AKAP11: variants seen among roughly 807,000 people sequenced by gnomAD.
AKAP11 encodes A-kinase anchor protein 11.
In AKAP11, 36 loss-of-function variants were observed where a neutral mutation model predicts 146.1. The observed-to-expected ratio is 0.25, with a 90% confidence interval of 0.19 to 0.33. The LOEUF is 0.33. Ranked by LOEUF, AKAP11 falls within the 10% of genes least tolerant of loss-of-function variation. The pLI is 1.00. For synonymous variants in AKAP11, 780 were observed against 786.5 expected (o/e 0.99, Z 0.14); for missense variants, 2,201 against 2,197.0 (o/e 1.00, Z -0.04).
intron 8 of AKAP11, among the ~76,000 whole-genome samples, chr13:42,306,108 A>G (rs1960240512): frequency 6.6e-6 from 1 of 152,186 alleles, no homozygotes; most frequent in African/African-American, 2.4e-5. Flanking sequence ...GGCCTCTTAC[A>G]GAAAACAATT....
In AKAP11 at chr13:42,308,601, A is replaced by G. The variant is rs1234584320; in HGVS notation, c.5265A>G (p.Leu1755=). Residue 1755 remains leucine, a synonymous_variant, in exon 9 of 13, where the codon CTA becomes CTG. Coordinates refer to ENST00000025301, the MANE Select transcript of AKAP11 (RefSeq NM_016248.4). The stretch of plus-strand genomic sequence containing the variant: ...ATGAAAGCAGCAGTTTTCATCATCT[A>G]AGTGAAAGGTAACTACACTTTTGCA... ...HQDESSSFHH[L]SESNGNSSSW... 4.3e-6 allele frequency: 7 copies of G among 1,611,828 alleles called. No individual in the cohort carries two copies. The highest frequency in any genetic ancestry group is 2.2e-5 in the East Asian group (1 of 44,850).
intron 11 of AKAP11, among the ~76,000 whole-genome samples, chr13:42,314,672 G>A (rs1960734493): frequency 1.3e-5 from 2 of 152,014 alleles, no homozygotes; most frequent in African/African-American, 4.8e-5. Flanking sequence ...ACTTACGTGA[G>A]TCAGTAAGTA....
intron 1 of AKAP11, among the ~76,000 whole-genome samples, chr13:42,285,659 A>G (rs1159551079): frequency 6.6e-6 from 1 of 152,216 alleles, no homozygotes; most frequent in Non-Finnish European, 1.5e-5. Flanking sequence ...ATCTTTAAAA[A>G]GTTGAGACTT....
At chr13:42,318,914 T>C (rs1960955870) in intron 12 of AKAP11, among the ~76,000 whole-genome samples, 174 bp from the exon 13 acceptor site, 1 of 152,134 alleles carries the variant, frequency 6.6e-6, no homozygotes, top group African/African-American at 2.4e-5. Context: ...AGGGAAAATG[T>C]TTAATTTGGG....
At chr13:42,316,472 A>T (rs1158365528) in intron 11 of AKAP11, among the ~76,000 whole-genome samples, 2 of 152,226 alleles carry the variant, frequency 1.3e-5, no homozygotes, top group Non-Finnish European at 2.9e-5. Flanking sequence ...ACAGAGATGG[A>T]TCCCTCTTTG....
rs1400561142 is a variant in AKAP11 at position 42,320,313 on chromosome 13, C to T, written c.*1085C>T. ...TGTTTTAGAAAAATTGGGATTTCCC[C>T]CCACCCCGCCCCACCCAGATAAACT... On this transcript the variant is annotated 3_prime_UTR_variant, in exon 13 of 13. Coordinates refer to ENST00000025301, the MANE Select transcript of AKAP11 (RefSeq NM_016248.4). 2 of 130,374 alleles carry T rather than the reference C, an allele frequency of 1.5e-5. No individual in the cohort carries two copies. Among genetic ancestry groups the T allele is most frequent in the Non-Finnish European group, 1.6e-5 (1 of 62,140 alleles). 8.1% of individuals were successfully genotyped at this position (130,374 alleles called of 1,614,324 possible). A position where few individuals can be genotyped will look rare whatever the true frequency, so the allele number is the denominator to read the frequency against.
chr13:42,317,994 C>G (rs867686184), intron 12 of AKAP11, among the ~76,000 whole-genome samples: 2 of 152,140 alleles, frequency 1.3e-5, no homozygotes, highest in African/African-American at 4.8e-5. Flanking sequence ...ACACTAAGCT[C>G]TCAAAGGTAG....
chr13:42,291,421 T>C (rs1403835917), intron 3 of AKAP11, among the ~76,000 whole-genome samples: 1 of 152,038 alleles, frequency 6.6e-6, no homozygotes, highest in Non-Finnish European at 1.5e-5. Flanking sequence ...CCAGGCTAAT[T>C]TGTGTATTTT....
chr13:42,286,470 C>T (rs1387098098), intron 3 of AKAP11, 71 bp downstream of exon 3: 3 of 1,146,440 alleles, frequency 2.6e-6, no homozygotes, highest in East Asian at 2.6e-5. Context: ...TTAAGTCCTA[C>T]AGCTATGATG....
intron 12 of AKAP11, 91 bp from the exon 13 acceptor site, chr13:42,318,997 T>TC: frequency 1.4e-6 from 2 of 1,411,030 alleles, no homozygotes; most frequent in East Asian, 2.5e-5. Flanking sequence ...AACAGCAGGA[T>TC]TCTTAAGTTT....
intron 10 of AKAP11, among the ~76,000 whole-genome samples, chr13:42,313,644 C>T (rs1960674413): frequency 6.6e-6 from 1 of 152,122 alleles, no homozygotes; most frequent in Non-Finnish European, 1.5e-5. Context: ...TATGAAATTA[C>T]ATGGCACTAT....
rs1233546624 is a variant in AKAP11, at chr13:42,321,306, G to T, written c.*2078G>T. 6.6e-6 allele frequency: 1 copy of T among 152,234 alleles called. No individual in the cohort carries two copies. Among genetic ancestry groups the T allele is most frequent in the African/African-American group, 2.4e-5 (1 of 41,434 alleles). 9.4% of individuals were successfully genotyped at this position (152,234 alleles called of 1,614,324 possible). On this transcript the variant is annotated 3_prime_UTR_variant, in exon 13 of 13. Coordinates refer to ENST00000025301, the MANE Select transcript of AKAP11 (RefSeq NM_016248.4). ...TTGAAAATGTTTATTTCTGTTTATG[G>T]TGTAATCATTCTGAGGTGAGGCTTT...
intron 11 of AKAP11, among the ~76,000 whole-genome samples, chr13:42,315,792 G>T (rs994460264): frequency 3.9e-5 from 6 of 152,290 alleles, no homozygotes; most frequent in African/African-American, 1.4e-4. Context: ...TAAATTAGGA[G>T]CTAGATTGGT....
intron 4 of AKAP11, among the ~76,000 whole-genome samples, chr13:42,293,888 A>G (rs985253599): frequency 5.9e-5 from 9 of 152,226 alleles, no homozygotes; most frequent in African/African-American, 2.2e-4. Context: ...GAAGGAAATT[A>G]GTTATTTGCC....
intron 11 of AKAP11, among the ~76,000 whole-genome samples, chr13:42,316,119 T>C (rs1220323683): frequency 1.3e-5 from 2 of 152,108 alleles, no homozygotes; most frequent in Non-Finnish European, 1.5e-5. Context: ...TTGAGAGTGT[T>C]GGAGAGAGGG....
At chr13:42,308,359 G>A in intron 8 of AKAP11, 95 bp from the exon 9 acceptor site, 1 of 1,081,530 alleles carries the variant, frequency 9.2e-7, no homozygotes, top group Non-Finnish European at 1.3e-6. Flanking sequence ...ACCATTTCTT[G>A]TTTTTATCAT....
In AKAP11 at chr13:42,301,032, G is replaced by C; in HGVS notation, c.2286G>C (p.Lys762Asn). The change falls in exon 8 of 13, where the codon AAG becomes AAC. Residue 762 changes from lysine (K) to asparagine (N), a missense_variant. Coordinates refer to ENST00000025301, the MANE Select transcript of AKAP11 (RefSeq NM_016248.4). ...MVTKPVQEYK[K>N]EYTVQQALFC... ...CAAAACCAGTGCAGGAATATAAAAA[G>C]GAATACACAGTGCAGCAGGCCTTGT... 1 of 1,614,088 alleles carries C rather than the reference G, an allele frequency of 6.2e-7. No homozygotes were observed. Among genetic ancestry groups the C allele is most frequent in the South Asian group, 1.1e-5 (1 of 91,070 alleles).
Position 42,303,749 on chromosome 13 carries a change from G to T in AKAP11, c.5003G>T (p.Ser1668Ile), listed in dbSNP as rs1481840592. 1.4e-5 allele frequency: 22 copies of T among 1,614,150 alleles called. No individual in the cohort carries two copies. Among genetic ancestry groups the T allele is most frequent in the Non-Finnish European group, 1.8e-5 (21 of 1,180,006 alleles). The change falls in exon 8 of 13, where the codon AGT becomes ATT. Residue 1668 changes from serine (S) to isoleucine (I), a missense_variant. Around this residue, in one of 3 missense-constraint regions of AKAP11, gnomAD observed 1,867 missense variants for 1,833.5 expected, o/e 1.02. Transcript: ENST00000025301. Reference sequence around the variant, plus strand: ...GAAAAAGCTGAGCGAGAGCTGAGCAGTACCAGCCTGGCAGCCGACAGTGGG... The same window carrying T: ...GAAAAAGCTGAGCGAGAGCTGAGCATTACCAGCCTGGCAGCCGACAGTGGG... ...AIEKAERELS[S>I]TSLAADSGIG...
At chr13:42,313,771 C>G in intron 10 of AKAP11, 123 bp from the exon 11 acceptor site, 2 of 724,314 alleles carry the variant, frequency 2.8e-6, no homozygotes, top group Non-Finnish European at 4.4e-6. Context: ...GTCATTTCTC[C>G]CCTTTCTAAA....
Sources: allele counts gnomAD v4.1 joint callset (sites outside exome capture counted in the v4.1 genomes callset), GRCh38; gene constraint gnomAD v4.1.1; regional missense constraint gnomAD v4.1.1; transcripts MANE v1.5; gene names NCBI Gene and HGNC (gene_info 2026-07-23, HGNC 2026-07-21).